The following LARS1 variants were observed in gnomAD, a reference collection of about 807,000 sequenced individuals.
LARS1 encodes the protein leucine--tRNA ligase, cytoplasmic.
LARS1 carries 100 observed loss-of-function variants against 162.8 expected under a neutral mutation model. That is an observed-to-expected ratio of 0.61 (90% CI 0.52 to 0.73). The LOEUF is 0.73. LARS1 is among the 30% of genes least tolerant of loss of function. LARS1 has a pLI of 0.00. For synonymous variants in LARS1, 457 were observed against 462.8 expected (o/e 0.99, Z 0.16); for missense variants, 1,258 against 1,408.9 (o/e 0.89, Z 1.71).
rs1753595154 is a variant in LARS1, at chr5:146,157,727, C to T, written c.839+1G>A. On this transcript the variant is annotated splice_donor_variant, in intron 9 of 31. Transcript: ENST00000394434. LOFTEE classifies it high-confidence loss of function. The stretch of plus-strand genomic sequence containing the variant: ...TAAAGCAATTACTCTGGCAAACCTA[C>T]CTTAATTTAGATGGGTATGGCTCAA... 1 of 1,613,924 alleles carries T rather than the reference C, an allele frequency of 6.2e-7. No homozygotes were observed. Among genetic ancestry groups the T allele is most frequent in the Non-Finnish European group, 8.5e-7 (1 of 1,179,972 alleles).
At chr5:146,125,595 G>A (rs1178168283) in intron 28 of LARS1, among the ~76,000 whole-genome samples, 1 of 151,872 alleles carries the variant, frequency 6.6e-6, no homozygotes, top group East Asian at 1.9e-4. Flanking sequence ...TGGTTCTATA[G>A]TATCCTCATT....
At chr5:146,172,852 A>G in intron 2 of LARS1, 78 bp from the exon 3 acceptor site, 1 of 596,698 alleles carries the variant, frequency 1.7e-6, no homozygotes, top group Non-Finnish European at 2.8e-6. Context: ...AGTGGGGTGA[A>G]GGAAATGCTT....
intron 1 of LARS1, among the ~76,000 whole-genome samples, chr5:146,180,033 T>A (rs1418209991): frequency 6.6e-6 from 1 of 152,242 alleles, no homozygotes; most frequent in Non-Finnish European, 1.5e-5. Context: ...TTAAATTGTT[T>A]ATAGTCACCT....
intron 21 of LARS1, 145 bp downstream of exon 21, chr5:146,140,059 G>C: frequency 1.5e-6 from 1 of 654,840 alleles, no homozygotes; most frequent in South Asian, 1.7e-5. Context: ...CTCCCACCTT[G>C]GCCTCCCAAA....
At chr5:146,171,816 A>G in intron 4 of LARS1, 94 bp downstream of exon 4, 3 of 788,578 alleles carry the variant, frequency 3.8e-6, no homozygotes, top group Non-Finnish European at 6.3e-6. Flanking sequence ...ACTTTAATGC[A>G]GCAATACTTA....
chr5:146,165,805 A>C (rs1046654751), intron 5 of LARS1, among the ~76,000 whole-genome samples: 3 of 152,190 alleles, frequency 2.0e-5, no homozygotes, highest in Non-Finnish European at 2.9e-5. Flanking sequence ...ATAGGTTGGC[A>C]ATTCTGAAAC....
rs1007576766 is a variant in LARS1, at chr5:146,130,110, C to T, written c.2536G>A (p.Glu846Lys). 59 of 1,613,816 alleles carry T rather than the reference C, an allele frequency of 3.7e-5. 1 individual carries two copies. Among genetic ancestry groups the T allele is most frequent in the Non-Finnish European group, 4.8e-5 (57 of 1,179,840 alleles). The change falls in exon 25 of 32, where the codon GAA becomes AAA. Residue 846 changes from glutamate to lysine, a missense_variant. Transcript: ENST00000394434. ...ACTTCAATAAACCGGAACACAAGTT[C>T]TCTGTGCATCCCTTCCACAGCCAAT... is the stretch of plus-strand genomic sequence containing the variant. ...RELAVEGMHR[E>K]LVFRFIEVQT...
At chr5:146,128,594 T>A (rs1752138874) in intron 27 of LARS1, 78 bp downstream of exon 27, 1 of 863,130 alleles carries the variant, frequency 1.2e-6, no homozygotes, top group Non-Finnish European at 1.7e-6. Context: ...TCCCAGACAT[T>A]GCCAACATCC....
chr5:146,121,690 G>C (rs1276624098), intron 30 of LARS1, among the ~76,000 whole-genome samples: 1 of 152,120 alleles, frequency 6.6e-6, no homozygotes, highest in African/African-American at 2.4e-5. Context: ...CATGGATAAA[G>C]CTGGAAACCA....
intron 17 of LARS1, 27 bp downstream of exon 17, chr5:146,144,445 C>G: frequency 1.2e-6 from 2 of 1,603,462 alleles, no homozygotes; most frequent in Non-Finnish European, 1.7e-6. Context: ...CTCCTTTTTC[C>G]TCCTTCATCA....
chr5:146,176,374 C>T (rs1159508629), intron 2 of LARS1, among the ~76,000 whole-genome samples: 1 of 149,760 alleles, frequency 6.7e-6, no homozygotes, highest in Non-Finnish European at 1.5e-5. Flanking sequence ...ATCGCTTTAA[C>T]CAGGGAGTTG....
At chr5:146,143,132 T>A (rs1211146980) in intron 19 of LARS1, 48 bp from the exon 20 acceptor site, 4 of 1,052,058 alleles carry the variant, frequency 3.8e-6, no homozygotes, top group East Asian at 2.9e-5. Context: ...TATATGTAAT[T>A]TCTTTGGAAG....
chr5:146,139,040 GAAAAAAAAAAA>G, intron 21 of LARS1: 2 of 194,688 alleles, frequency 1.0e-5, no homozygotes, highest in African/African-American at 5.4e-5. Context: ...GTGGATTTGT[GAAAAAAAAAAA>G]AAAAAAAATG....
chr5:146,162,418 G>GA (rs1753816727), intron 6 of LARS1, among the ~76,000 whole-genome samples: 1 of 151,968 alleles, frequency 6.6e-6, no homozygotes, highest in Non-Finnish European at 1.5e-5. Flanking sequence ...TATTTTGAAA[G>GA]AAATTTTTTT....
At chr5:146,176,724 G>C (rs1355489550) in intron 2 of LARS1, among the ~76,000 whole-genome samples, 1 of 151,988 alleles carries the variant, frequency 6.6e-6, no homozygotes, top group Non-Finnish European at 1.5e-5. Context: ...CAAATATCAT[G>C]TCATGATCTA....
chr5:146,150,981 AC>A (rs1157680687), intron 14 of LARS1, among the ~76,000 whole-genome samples: 2 of 151,524 alleles, frequency 1.3e-5, no homozygotes, highest in Non-Finnish European at 2.9e-5. Context: ...ACACACACAC[AC>A]AAATGTAAAT....
chr5:146,177,386 A>AACC (rs907946035), intron 2 of LARS1, among the ~76,000 whole-genome samples, 161 bp downstream of exon 2: 5 of 142,602 alleles, frequency 3.5e-5, no homozygotes, highest in Non-Finnish European at 7.5e-5. Flanking sequence ...GAATGGCATG[A>AACC]ACCTGGGAGG....
chr5:146,143,103 AAACT>A lies in LARS1; in HGVS notation c.1878-23_1878-20del, dbSNP rs1490640988. 17 of 1,345,976 alleles carry A rather than the reference AAACT, an allele frequency of 1.3e-5. No homozygotes were observed. The highest frequency in any genetic ancestry group is 1.5e-5 in the Non-Finnish European group (15 of 969,566). 83.4% of individuals were successfully genotyped at this position (1,345,976 alleles called of 1,614,324 possible). On this transcript the variant is annotated intron_variant, in intron 19 of 31. Transcript: ENST00000394434. ...TTGCGGTCTGTATTAAAAATAAAAC[AAACT>A]ATTTTATATATATATATATGTAATT...
intron 18 of LARS1, among the ~76,000 whole-genome samples, 161 bp downstream of exon 18, chr5:146,144,106 T>C (rs543405388): frequency 1.8e-4 from 27 of 152,306 alleles, no homozygotes; most frequent in African/African-American, 6.5e-4. Context: ...ACACAGTAGA[T>C]GATAGTGGAC....
Sources: allele counts gnomAD v4.1 joint callset (sites outside exome capture counted in the v4.1 genomes callset), GRCh38; gene constraint gnomAD v4.1.1; transcripts MANE v1.5; gene names NCBI Gene and HGNC (gene_info 2026-07-23, HGNC 2026-07-21).